The following SEMA3C variants were observed in gnomAD, a reference collection of about 807,000 sequenced individuals.
The protein encoded by SEMA3C is semaphorin-3C.
A neutral mutation model predicts 89.4 loss-of-function variants in SEMA3C; 47 were observed. The observed-to-expected ratio is 0.53, with a 90% CI of 0.42 to 0.67. The LOEUF is 0.67. Ranked by LOEUF, SEMA3C falls within the 30% of genes least tolerant of loss-of-function variation. The pLI, the probability that SEMA3C is intolerant of heterozygous loss-of-function variation, is 0.00. For missense variants in SEMA3C, 839 were observed against 929.1 expected, an observed-to-expected ratio of 0.90 and a Z score of 1.26; for synonymous variants, 310 against 320.2, an observed-to-expected ratio of 0.97 and a Z score of 0.34.
intron 2 of SEMA3C, among the ~76,000 whole-genome samples, chr7:80,848,486 C>T (rs1448511972): frequency 6.6e-6 from 1 of 152,174 alleles, no homozygotes; most frequent in Non-Finnish European, 1.5e-5. Flanking sequence ...ATATGCTGGA[C>T]ATTGAATAAC....
intron 2 of SEMA3C, among the ~76,000 whole-genome samples, chr7:80,898,352 C>A (rs1298124188): frequency 3.3e-5 from 5 of 151,666 alleles, no homozygotes; most frequent in African/African-American, 9.7e-5. Context: ...GGTGACAGAG[C>A]GAGATTTTGT....
rs551159371 is a variant in SEMA3C at position 80,748,758 on chromosome 7, A to G, written c.1842+140T>C. On this transcript the variant is annotated intron_variant, in intron 17 of 17. Transcript: ENST00000265361. ...TCTTAAGGACAAAGGATTTTAAGGA[A>G]AGTGGCACTTGTCATCCCAAAGACG... The G allele has an allele frequency of 4.7e-5, 36 of 767,826 alleles. No individual in the cohort carries two copies. The East Asian group carries it at 9.4e-4, about 20-fold the overall frequency. 47.6% of individuals were successfully genotyped at this position (767,826 alleles called of 1,614,324 possible).
At chr7:80,831,398 C>T (rs991636157) in intron 2 of SEMA3C, among the ~76,000 whole-genome samples, 2 of 152,240 alleles carry the variant, frequency 1.3e-5, no homozygotes, top group East Asian at 1.9e-4. Context: ...AAAAGAGTCC[C>T]GGAGCTATAC....
chr7:80,754,964 T>TTTTGTTTTTTTTGTTTTTTTTG lies in SEMA3C; in HGVS notation c.1643+3366_1643+3367insCAAAAAAAACAAAAAAAACAAA, dbSNP rs765917535. On this transcript the variant is annotated intron_variant, in intron 15 of 17. Transcript: ENST00000265361. ...GGCGAATTGTTTTTTTTTGTTTTTT[T>TTTTGTTTTTTTTGTTTTTTTTG]TTTTTTTGTATTTTTAGTAGAGATG... 2.6e-4 allele frequency among the ~76,000 whole-genome samples: 33 copies of TTTTGTTTTTTTTGTTTTTTTTG among 129,196 alleles called. 1 individual carries two copies. Among genetic ancestry groups the TTTTGTTTTTTTTGTTTTTTTTG allele is most frequent in the African/African-American group, 8.8e-4 (32 of 36,346 alleles). 84.8% of individuals were successfully genotyped at this position (129,196 alleles called of 152,430 possible).
rs576048817 is a variant in SEMA3C at position 80,857,750 on chromosome 7, T to C, written c.104-29005A>G. On this transcript the variant is annotated intron_variant, in intron 2 of 17. Coordinates refer to ENST00000265361, the MANE Select transcript of SEMA3C (RefSeq NM_006379.5). ...GGGGAAAATAGTTTGATCATATTAG[T>C]TACAAGTTAGAATTGGTATGAAGAA... Among the ~76,000 whole-genome samples the C allele has an allele frequency of 3.0e-3, 462 of 152,296 alleles. 2 individuals are homozygous for C. Among genetic ancestry groups the C allele is most frequent in the African/African-American group, 0.011 (447 of 41,576 alleles).
At chr7:80,768,861 T>G (rs1788365114) in intron 12 of SEMA3C, among the ~76,000 whole-genome samples, 1 of 152,140 alleles carries the variant, frequency 6.6e-6, no homozygotes, top group Non-Finnish European at 1.5e-5. Flanking sequence ...ATTTGTTGAA[T>G]TAATTTGTAG....
At position 80,754,401 on chromosome 7, in the gene SEMA3C, A is replaced by G. The variant is rs1583845241; in HGVS notation, c.1644-3065T>C. Reference sequence around the variant, plus strand: ...GCTTTTTATTTCTATGAAATCCTCTAAGTGATCTTCGTGTTTTGCTTAGAG... The same window carrying G: ...GCTTTTTATTTCTATGAAATCCTCTGAGTGATCTTCGTGTTTTGCTTAGAG... On this transcript the variant is annotated intron_variant, in intron 15 of 17. Coordinates refer to ENST00000265361, the MANE Select transcript of SEMA3C (RefSeq NM_006379.5). Among the ~76,000 whole-genome samples the G allele has an allele frequency of 2.0e-5, 3 of 152,284 alleles. No individual in the cohort carries two copies. In the East Asian group the frequency reaches 5.8e-4, roughly 29 times the overall value.
intron 17 of SEMA3C, among the ~76,000 whole-genome samples, chr7:80,747,847 T>C (rs983305630): frequency 6.6e-6 from 1 of 152,192 alleles, no homozygotes; most frequent in African/African-American, 2.4e-5. Flanking sequence ...CATCTGCTTA[T>C]GGTTTAATAT....
intron 11 of SEMA3C, among the ~76,000 whole-genome samples, chr7:80,796,063 G>A (rs950795235): frequency 2.0e-5 from 3 of 151,880 alleles, no homozygotes; most frequent in Non-Finnish European, 2.9e-5. Context: ...TTTTTAGGGG[G>A]AACAGAATTT....
chr7:80,880,441 TTAAA>T (rs1169732662), intron 2 of SEMA3C, among the ~76,000 whole-genome samples: 1 of 152,208 alleles, frequency 6.6e-6, no homozygotes, highest in African/African-American at 2.4e-5. Context: ...TAAGTATCTG[TTAAA>T]TGAATGAATG....
chr7:80,868,704 T>C (rs1001748946), intron 2 of SEMA3C, among the ~76,000 whole-genome samples: 7 of 152,078 alleles, frequency 4.6e-5, no homozygotes, highest in African/African-American at 1.4e-4. Flanking sequence ...ATTTGTTGTT[T>C]GGGGTAGGGG....
chr7:80,844,943 G>T (rs749775975), intron 2 of SEMA3C, among the ~76,000 whole-genome samples: 1 of 152,106 alleles, frequency 6.6e-6, no homozygotes, highest in Non-Finnish European at 1.5e-5. Context: ...TTGTATCTTT[G>T]TGAAATGTCT....
At position 80,748,887 on chromosome 7, in the gene SEMA3C, G is replaced by A; in HGVS notation, c.1842+11C>T. 6.2e-7 allele frequency: 1 copy of A among 1,607,248 alleles called. No individual in the cohort carries two copies. Among genetic ancestry groups the A allele is most frequent in the Non-Finnish European group, 8.5e-7 (1 of 1,177,230 alleles). On this transcript the variant is annotated intron_variant, in intron 17 of 17. Coordinates refer to ENST00000265361, the MANE Select transcript of SEMA3C (RefSeq NM_006379.5). ...AGCCCTGATGGATTGCTGCTGTGCT[G>A]CTTTACTCACCTCTTTCCTCCTGTC...
chr7:80,797,728 G>A (rs550073146), intron 11 of SEMA3C, among the ~76,000 whole-genome samples: 16 of 152,166 alleles, frequency 1.1e-4, no homozygotes, highest in Admixed American at 2.0e-4. Context: ...GGCCGGGTGC[G>A]GTGGCTCACG....
intron 2 of SEMA3C, among the ~76,000 whole-genome samples, chr7:80,829,954 C>T (rs1225141921): frequency 6.6e-6 from 1 of 152,144 alleles, no homozygotes; most frequent in African/African-American, 2.4e-5. Context: ...ATGACAAACA[C>T]ATTTCTAAAA....
chr7:80,896,046 T>C (rs1214839912), intron 2 of SEMA3C, among the ~76,000 whole-genome samples: 41 of 152,070 alleles, frequency 2.7e-4, no homozygotes. Flanking sequence ...GTTTAGTTTA[T>C]CTTATCAATT....
chr7:80,797,121 T>G (rs1468609197), intron 11 of SEMA3C, among the ~76,000 whole-genome samples: 1 of 152,148 alleles, frequency 6.6e-6, no homozygotes, highest in Admixed American at 6.5e-5. Flanking sequence ...ATAAATTCAT[T>G]GTTCATATTT....
At chr7:80,811,940 T>C (rs1024934669) in intron 5 of SEMA3C, among the ~76,000 whole-genome samples, 1 of 152,198 alleles carries the variant, frequency 6.6e-6, no homozygotes, top group African/African-American at 2.4e-5. Context: ...AATTTCATTG[T>C]ACTTGTTGTC....
At chr7:80,758,794 G>T (rs1360152778) in intron 14 of SEMA3C, among the ~76,000 whole-genome samples, 6 of 152,132 alleles carry the variant, frequency 3.9e-5, no homozygotes, top group Admixed American at 2.0e-4. Context: ...ACAGATTTAA[G>T]TTATGACTTT....
Sources: gnomAD v4.1 joint callset for allele counts (sites outside exome capture counted in the v4.1 genomes callset) on GRCh38, gnomAD v4.1.1 for gene constraint, MANE v1.5 for transcripts, NCBI Gene and HGNC (gene_info 2026-07-23, HGNC 2026-07-21) for gene names.